Variants in TSC22D2 observed in about 807,000 individuals in gnomAD.
TSC22D2 encodes TSC22 domain family protein 2.
In TSC22D2, 5 loss-of-function variants were observed where a neutral mutation model predicts 50.1. The ratio of observed to expected loss-of-function variants is 0.10; its 90% CI spans 0.05 to 0.21. The LOEUF (loss-of-function observed/expected upper bound fraction) is 0.21, where lower values mean the gene tolerates loss of function less well. Ranked by LOEUF, TSC22D2 falls within the 10% of genes least tolerant of loss-of-function variation. TSC22D2 has a pLI of 1.00. For missense variants in TSC22D2, 1,003 were observed against 1,015.5 expected, an observed-to-expected ratio of 0.99 and a Z score of 0.17; for synonymous variants, 501 against 450.1, an observed-to-expected ratio of 1.11 and a Z score of -1.43.
chr3:150,449,054 C>A (rs1720964999), intron 1 of TSC22D2, among the ~76,000 whole-genome samples: 1 of 152,122 alleles, frequency 6.6e-6, no homozygotes, highest in Non-Finnish European at 1.5e-5. Context: ...TAATTTACAT[C>A]ACATTCTCAG....
intron 1 of TSC22D2, among the ~76,000 whole-genome samples, chr3:150,443,548 G>C (rs1244057506): frequency 6.6e-6 from 1 of 152,166 alleles, no homozygotes; most frequent in Non-Finnish European, 1.5e-5. Context: ...CTTTATATGT[G>C]ACCTGATCCT....
intron 1 of TSC22D2, among the ~76,000 whole-genome samples, chr3:150,421,610 A>G (rs190053635): frequency 7.9e-5 from 12 of 152,340 alleles, no homozygotes; most frequent in African/African-American, 2.6e-4. Flanking sequence ...AGGGCAAGCA[A>G]TGAGAAATAC....
Position 150,409,194 on chromosome 3 carries a change from C to A in TSC22D2, c.-157C>A. On this transcript the variant is annotated 5_prime_UTR_variant, in exon 1 of 3. Coordinates refer to ENST00000688009, the MANE Select transcript of TSC22D2 (RefSeq NM_001303264.2). The surrounding 1 kb of genome is among the most constrained non-coding windows in gnomAD (Gnocchi z 7.4). Reference sequence around the variant, plus strand: ...GGAGGAGGATGTCTCACCGGGCGGCCAGCGCCTGGATCAGCCCGTGACTCT... The same window carrying A: ...GGAGGAGGATGTCTCACCGGGCGGCAAGCGCCTGGATCAGCCCGTGACTCT... 1 of 752,994 alleles carries A rather than the reference C, an allele frequency of 1.3e-6. No homozygotes were observed. The highest frequency in any genetic ancestry group is 2.4e-5 in the South Asian group (1 of 41,314). 46.6% of individuals were successfully genotyped at this position (752,994 alleles called of 1,614,324 possible).
chr3:150,429,245 G>C (rs1720297877), intron 1 of TSC22D2, among the ~76,000 whole-genome samples: 1 of 152,056 alleles, frequency 6.6e-6, no homozygotes, highest in Admixed American at 6.6e-5. Flanking sequence ...AATGAGAATT[G>C]CCATAGGAGT....
intron 1 of TSC22D2, among the ~76,000 whole-genome samples, chr3:150,418,691 T>C (rs546687782): frequency 1.9e-4 from 29 of 152,074 alleles, no homozygotes; most frequent in African/African-American, 7.0e-4. Flanking sequence ...GAAAATGGTA[T>C]TGTTAATTTG....
At chr3:150,444,686 AAATTATTAG>A (rs1315475581) in intron 1 of TSC22D2, among the ~76,000 whole-genome samples, 6 of 152,226 alleles carry the variant, frequency 3.9e-5, no homozygotes, top group Non-Finnish European at 5.9e-5. Flanking sequence ...CACCATGTCT[AAATTATTAG>A]AATTATTACC....
At chr3:150,457,024 TG>T in intron 1 of TSC22D2, 51 bp from the exon 2 acceptor site, 1 of 1,502,650 alleles carries the variant, frequency 6.7e-7, no homozygotes, top group Non-Finnish European at 9.2e-7. Flanking sequence ...TTTTAAGAGT[TG>T]GAAGGGAGGT....
intron 1 of TSC22D2, among the ~76,000 whole-genome samples, chr3:150,451,129 T>G (rs1721029237): frequency 6.6e-6 from 1 of 151,730 alleles, no homozygotes; most frequent in Non-Finnish European, 1.5e-5. Flanking sequence ...TTACAAAAGA[T>G]TTGATTGTGT....
rs531187401 is a variant in TSC22D2, at chr3:150,456,191, T to G, written c.1959-885T>G. Among the ~76,000 whole-genome samples the G allele has an allele frequency of 1.8e-3, 268 of 148,108 alleles. 1 individual carries two copies. In the South Asian group the frequency reaches 0.03, roughly 16 times the overall value. ...TGTTGTTTCTTTTTGTTTTTTTTTT[T>G]TTTGTTTTTTTTTGAGATGGAGTTT... is the stretch of plus-strand genomic sequence containing the variant. On this transcript the variant is annotated intron_variant, in intron 1 of 2. Coordinates refer to ENST00000688009, the MANE Select transcript of TSC22D2 (RefSeq NM_001303264.2).
chr3:150,414,386 G>A (rs1719714504), intron 1 of TSC22D2, among the ~76,000 whole-genome samples: 1 of 152,120 alleles, frequency 6.6e-6, no homozygotes, highest in African/African-American at 2.4e-5. Context: ...AATGAGAGGA[G>A]GTGCAAAATA....
intron 2 of TSC22D2, among the ~76,000 whole-genome samples, chr3:150,457,439 T>C (rs982468042): frequency 2.0e-5 from 3 of 152,102 alleles, no homozygotes; most frequent in African/African-American, 4.8e-5. Flanking sequence ...GAAAATACTT[T>C]AGAGTGAAAA....
At chr3:150,455,914 C>T (rs1324735813) in intron 1 of TSC22D2, among the ~76,000 whole-genome samples, 4 of 151,318 alleles carry the variant, frequency 2.6e-5, no homozygotes, top group Non-Finnish European at 4.4e-5. Context: ...CATTAAAAAA[C>T]AATAAAAGGG....
intron 1 of TSC22D2, chr3:150,423,237 G>A (rs946636562): frequency 1.5e-6 from 1 of 680,978 alleles, no homozygotes; most frequent in African/African-American, 1.8e-5. Flanking sequence ...AAATCACATG[G>A]TATCTAGCAT....
chr3:150,412,235 A>C (rs1236221816), intron 1 of TSC22D2, among the ~76,000 whole-genome samples: 2 of 152,176 alleles, frequency 1.3e-5, no homozygotes, highest in Non-Finnish European at 2.9e-5. Flanking sequence ...CATATTGCAA[A>C]ATTTTAAAAG....
intron 1 of TSC22D2, among the ~76,000 whole-genome samples, chr3:150,415,368 C>G (rs1463839122): frequency 6.6e-6 from 1 of 152,146 alleles, no homozygotes; most frequent in Non-Finnish European, 1.5e-5. Flanking sequence ...TTCCAGCTGA[C>G]TATTTTAGTA....
At chr3:150,421,842 G>A (rs1720020863) in intron 1 of TSC22D2, among the ~76,000 whole-genome samples, 1 of 152,166 alleles carries the variant, frequency 6.6e-6, no homozygotes. Flanking sequence ...CAGTTCTTTA[G>A]CCTGCAAAGC....
chr3:150,450,665 T>C (rs372894910), intron 1 of TSC22D2, among the ~76,000 whole-genome samples: 19 of 152,264 alleles, frequency 1.2e-4, no homozygotes, highest in African/African-American at 3.8e-4. Context: ...GGAAAATTGT[T>C]ATTTGTTCTT....
In TSC22D2 at chr3:150,409,275, C is replaced by A; in HGVS notation, c.-76C>A. On this transcript the variant is annotated 5_prime_UTR_variant, in exon 1 of 3. Coordinates refer to ENST00000688009, the MANE Select transcript of TSC22D2 (RefSeq NM_001303264.2). The surrounding 1 kb of genome is among the most constrained non-coding windows in gnomAD (Gnocchi z 7.4). ...GACTCGGACTTTGTCTTTGGGGGCC[C>A]GTGCTCTGCCCTCCCCGGTTTCCGA... 1 of 1,482,934 alleles carries A rather than the reference C, an allele frequency of 6.7e-7. No individual in the cohort carries two copies. Among genetic ancestry groups the A allele is most frequent in the Non-Finnish European group, 9.0e-7 (1 of 1,107,232 alleles). The allele number at this position is 1,482,934 out of a possible 1,614,324, so 91.9% of individuals were successfully genotyped here. A position where few individuals can be genotyped will look rare whatever the true frequency, so the allele number is the denominator to read the frequency against.
chr3:150,416,360 C>T (rs889104543), intron 1 of TSC22D2, among the ~76,000 whole-genome samples: 2 of 106,144 alleles, frequency 1.9e-5, no homozygotes, highest in Non-Finnish European at 4.0e-5. Flanking sequence ...AATGATATTC[C>T]GTAAGTAATT....
Sources: gnomAD v4.1 joint callset for allele counts (sites outside exome capture counted in the v4.1 genomes callset) on GRCh38, gnomAD v4.1.1 for gene constraint, Gnocchi (gnomAD v3.1) non-coding constraint, MANE v1.5 for transcripts, NCBI Gene and HGNC (gene_info 2026-07-23, HGNC 2026-07-21) for gene names.